Variants in SMYD3 observed in about 807,000 individuals in gnomAD.
SMYD3 encodes SET and MYND domain containing 3.
A neutral mutation model predicts 57.7 loss-of-function variants in SMYD3; 36 were observed. The ratio of observed to expected loss-of-function variants is 0.62; its 90% CI spans 0.48 to 0.82. The LOEUF is 0.82. SMYD3 is among the 40% of genes least tolerant of loss of function. The pLI is 0.00. For missense variants in SMYD3, 515 were observed against 538.8 expected, an observed-to-expected ratio of 0.96 and a Z score of 0.44; for synonymous variants, 211 against 195.0, an observed-to-expected ratio of 1.08 and a Z score of -0.68.
At chr1:246,098,126 A>G (rs2060946693) in intron 5 of SMYD3, among the ~76,000 whole-genome samples, 2 of 152,236 alleles carry the variant, frequency 1.3e-5, no homozygotes, top group Non-Finnish European at 1.5e-5. Context: ...GTTAATGATC[A>G]ATTGGGTAAA....
intron 5 of SMYD3, among the ~76,000 whole-genome samples, chr1:245,936,338 G>A (rs1276188984): frequency 6.7e-6 from 1 of 150,208 alleles, no homozygotes; most frequent in East Asian, 1.9e-4. Flanking sequence ...GTTAGGAGGA[G>A]AACATACACT....
At position 246,369,930 on chromosome 1, in the gene SMYD3, G is replaced by A. The variant is rs530661215; in HGVS notation, c.165-14836C>T. On this transcript the variant is annotated intron_variant, in intron 1 of 11. Transcript: ENST00000490107. ...AAAAAAATGTAATGGTTAGTATTTC[G>A]AGGAAAATTAATCTATACTTCACTG... Among the ~76,000 whole-genome samples, 71 of 152,050 alleles carry A rather than the reference G, an allele frequency of 4.7e-4. 1 individual carries two copies. In the South Asian group the frequency reaches 7.1e-3, roughly 15 times the overall value.
intron 5 of SMYD3, among the ~76,000 whole-genome samples, chr1:246,112,626 C>A (rs1286981349): frequency 6.6e-6 from 1 of 151,924 alleles, no homozygotes; most frequent in Non-Finnish European, 1.5e-5. Context: ...GAATTTACAC[C>A]GTGAATAATG....
chr1:245,798,884 G>T (rs776343125), intron 10 of SMYD3, among the ~76,000 whole-genome samples: 4 of 151,928 alleles, frequency 2.6e-5, no homozygotes, highest in Non-Finnish European at 5.9e-5. Flanking sequence ...CCTTGCTCAG[G>T]CCCCTCAGAC....
chr1:245,824,930 C>A (rs2049395556), intron 10 of SMYD3, among the ~76,000 whole-genome samples: 1 of 151,600 alleles, frequency 6.6e-6, no homozygotes, highest in African/African-American at 2.4e-5. Flanking sequence ...ACTCAGGAGG[C>A]TGAAGCAGGA....
At chr1:246,158,936 G>A (rs990026813) in intron 5 of SMYD3, among the ~76,000 whole-genome samples, 11 of 152,112 alleles carry the variant, frequency 7.2e-5, no homozygotes, top group South Asian at 2.1e-4. Flanking sequence ...TCTACCCAGC[G>A]TGAGATATGC....
chr1:246,140,980 T>C (rs563724062), intron 5 of SMYD3, among the ~76,000 whole-genome samples: 33 of 152,304 alleles, frequency 2.2e-4, no homozygotes, highest in African/African-American at 7.7e-4. Flanking sequence ...GGACCATCTT[T>C]AGGATCAATA....
intron 4 of SMYD3, among the ~76,000 whole-genome samples, chr1:246,329,014 A>G (rs2065411262): frequency 1.3e-5 from 2 of 152,210 alleles, no homozygotes. Flanking sequence ...TACAAAGGAC[A>G]TGAACTCATC....
chr1:246,381,526 G>C (rs1267446688), intron 1 of SMYD3, among the ~76,000 whole-genome samples: 25 of 152,172 alleles, frequency 1.6e-4, no homozygotes, highest in Non-Finnish European at 1.6e-4. Context: ...AAGACTTGAA[G>C]ATGTTCTCAT....
intron 5 of SMYD3, among the ~76,000 whole-genome samples, chr1:246,271,185 A>G (rs371670109): frequency 6.6e-6 from 1 of 152,120 alleles, no homozygotes; most frequent in East Asian, 1.9e-4. Flanking sequence ...TCTTAATTAT[A>G]TATTTTGATA....
At chr1:246,299,445 A>G (rs181262718) in intron 5 of SMYD3, among the ~76,000 whole-genome samples, 1 of 152,290 alleles carries the variant, frequency 6.6e-6, no homozygotes, top group African/African-American at 2.4e-5. Context: ...GATTCATCAA[A>G]GACCCACAAA....
intron 2 of SMYD3, among the ~76,000 whole-genome samples, chr1:246,340,644 T>C (rs1377150227): frequency 1.3e-5 from 2 of 152,212 alleles, no homozygotes; most frequent in African/African-American, 4.8e-5. Context: ...CTGATCTTTC[T>C]GATGGGTATT....
At chr1:245,929,524 G>A (rs1402919756) in intron 6 of SMYD3, among the ~76,000 whole-genome samples, 1 of 152,172 alleles carries the variant, frequency 6.6e-6, no homozygotes, top group African/African-American at 2.4e-5. Context: ...CAAGTCCGGT[G>A]AAATCAGCAT....
chr1:246,275,917 C>T (rs1410962686), intron 5 of SMYD3, among the ~76,000 whole-genome samples: 2 of 151,910 alleles, frequency 1.3e-5, no homozygotes, highest in Non-Finnish European at 1.5e-5. Flanking sequence ...GAGTCTGATG[C>T]CCATGTTTGA....
intron 9 of SMYD3, 116 bp downstream of exon 9, chr1:245,863,682 GA>G: frequency 4.7e-6 from 4 of 852,434 alleles, no homozygotes; most frequent in Non-Finnish European, 7.5e-6. Flanking sequence ...GGAACAGAAT[GA>G]AAACCACTGG....
intron 5 of SMYD3, among the ~76,000 whole-genome samples, chr1:246,299,146 C>T (rs2064848420): frequency 6.6e-6 from 1 of 152,038 alleles, no homozygotes. Flanking sequence ...TAGATGTATA[C>T]TGATGTTCCC....
chr1:245,955,757 G>A (rs889550794), intron 5 of SMYD3: 1 of 183,196 alleles, frequency 5.5e-6, no homozygotes. Context: ...TGGGGTACTG[G>A]AATGTATCCC....
At chr1:246,299,407 G>C (rs977184346) in intron 5 of SMYD3, among the ~76,000 whole-genome samples, 3 of 152,112 alleles carry the variant, frequency 2.0e-5, no homozygotes, top group African/African-American at 7.2e-5. Context: ...GTGTAGGTTA[G>C]TTCAACCATT....
At chr1:246,183,923 T>A (rs1209297884) in intron 5 of SMYD3, among the ~76,000 whole-genome samples, 1 of 152,216 alleles carries the variant, frequency 6.6e-6, no homozygotes, top group African/African-American at 2.4e-5. Flanking sequence ...CTAAAAGGAT[T>A]TACAAGGTGG....
Sources: gnomAD v4.1 joint callset for allele counts (sites outside exome capture counted in the v4.1 genomes callset) on GRCh38, gnomAD v4.1.1 for gene constraint, MANE v1.5 for transcripts, NCBI Gene and HGNC (gene_info 2026-07-23, HGNC 2026-07-21) for gene names.